Variants in DEPTOR observed in about 807,000 individuals in gnomAD.
The protein encoded by DEPTOR is DEP domain containing MTOR interacting protein.
In DEPTOR, 41 loss-of-function variants were observed where a neutral mutation model predicts 41.6. That is an observed-to-expected ratio of 0.98 (90% confidence interval 0.77 to 1.28). The LOEUF is 1.28. Among genes scored for constraint, DEPTOR ranks in the 50% most tolerant of loss-of-function variants. The pLI is 0.00. For synonymous variants in DEPTOR, 195 were observed against 192.3 expected, an observed-to-expected ratio of 1.01 and a Z score of -0.12; for missense variants, 514 against 527.9, an observed-to-expected ratio of 0.97 and a Z score of 0.26.
chr8:119,881,811 G>A (rs184780717), intron 1 of DEPTOR, among the ~76,000 whole-genome samples: 1 of 152,198 alleles, frequency 6.6e-6, no homozygotes, highest in Admixed American at 6.5e-5. Flanking sequence ...AAGGGCTTTA[G>A]GAAATGAAGA....
intron 4 of DEPTOR, among the ~76,000 whole-genome samples, chr8:119,988,082 G>A (rs528504875): frequency 2.6e-5 from 4 of 152,252 alleles, no homozygotes; most frequent in East Asian, 1.9e-4. Flanking sequence ...AACCTCCTGC[G>A]GCTAGCTCAG....
At chr8:119,953,801 CTTT>C (rs35043841) in intron 3 of DEPTOR, among the ~76,000 whole-genome samples, 16 of 119,650 alleles carry the variant, frequency 1.3e-4, no homozygotes, top group South Asian at 8.7e-4. Context: ...CAGATAGCTT[CTTT>C]TTTTTTTTTT....
chr8:119,990,374 G>A (rs899970704), intron 4 of DEPTOR, among the ~76,000 whole-genome samples: 1 of 152,060 alleles, frequency 6.6e-6, no homozygotes, highest in Non-Finnish European at 1.5e-5. Flanking sequence ...AGTCGGGATG[G>A]TCTCAATCTC....
chr8:119,987,651 G>A (rs1198535232), intron 4 of DEPTOR, among the ~76,000 whole-genome samples: 1 of 152,206 alleles, frequency 6.6e-6, no homozygotes, highest in African/African-American at 2.4e-5. Context: ...TCCCCCAGGT[G>A]CTCTGTCCCA....
intron 1 of DEPTOR, among the ~76,000 whole-genome samples, chr8:119,898,480 T>C (rs949496853): frequency 3.9e-5 from 6 of 152,086 alleles, no homozygotes; most frequent in African/African-American, 1.2e-4. Context: ...CCCAAGAACG[T>C]TGGGAGGCCA....
At chr8:119,984,487 C>T (rs1486604326) in intron 4 of DEPTOR, among the ~76,000 whole-genome samples, 1 of 152,080 alleles carries the variant, frequency 6.6e-6, no homozygotes, top group African/African-American at 2.4e-5. Flanking sequence ...TCTCGTTGTT[C>T]AGCTCCCACT....
intron 4 of DEPTOR, among the ~76,000 whole-genome samples, chr8:119,987,864 C>T (rs988651712): frequency 1.3e-5 from 2 of 152,120 alleles, no homozygotes; most frequent in Admixed American, 6.6e-5. Flanking sequence ...AGACACCCTT[C>T]CCCCCACCAA....
rs752547040 is a variant in DEPTOR at position 120,049,860 on chromosome 8, A to G, written c.*156A>G. 8 of 809,616 alleles carry G rather than the reference A, an allele frequency of 9.9e-6. No individual in the cohort carries two copies. The highest frequency in any genetic ancestry group is 1.2e-5 in the Non-Finnish European group (7 of 572,192). The allele number at this position is 809,616 out of a possible 1,614,324, so 50.2% of individuals were successfully genotyped here. A position where few individuals can be genotyped will look rare whatever the true frequency, so the allele number is the denominator to read the frequency against. Reference sequence around the variant, plus strand: ...TCTAAAGTTGAGTTTTATACACTGAATGTGGAAGAACCGGGTATCATATCT... The same window carrying G: ...TCTAAAGTTGAGTTTTATACACTGAGTGTGGAAGAACCGGGTATCATATCT... On this transcript the variant is annotated 3_prime_UTR_variant, in exon 9 of 9. Coordinates refer to ENST00000286234, the MANE Select transcript of DEPTOR (RefSeq NM_022783.4).
intron 4 of DEPTOR, among the ~76,000 whole-genome samples, chr8:119,983,428 A>G (rs1269619097): frequency 2.0e-5 from 3 of 151,966 alleles, no homozygotes; most frequent in Non-Finnish European, 2.9e-5. Flanking sequence ...ACTGTTACCC[A>G]GGCTGGAGTG....
intron 3 of DEPTOR, among the ~76,000 whole-genome samples, chr8:119,959,589 C>G (rs56274209): frequency 1.3e-5 from 2 of 150,998 alleles, no homozygotes; most frequent in African/African-American, 4.9e-5. Flanking sequence ...TACAGTGGTG[C>G]GATCTCGGTT....
At chr8:119,971,015 G>A (rs897792768) in intron 4 of DEPTOR, among the ~76,000 whole-genome samples, 2 of 152,162 alleles carry the variant, frequency 1.3e-5, no homozygotes, top group Non-Finnish European at 2.9e-5. Context: ...CGGATCACAA[G>A]GTCGGGAGAT....
At chr8:120,018,893 G>A (rs535144327) in intron 8 of DEPTOR, among the ~76,000 whole-genome samples, 2 of 152,144 alleles carry the variant, frequency 1.3e-5, no homozygotes, top group East Asian at 1.9e-4. Flanking sequence ...GTAATACAGC[G>A]ATAACAGTGC....
chr8:119,929,293 G>C (rs1828009859), intron 2 of DEPTOR, among the ~76,000 whole-genome samples: 2 of 151,902 alleles, frequency 1.3e-5, no homozygotes, highest in Non-Finnish European at 2.9e-5. Context: ...TCATTCTTCA[G>C]GTCTCCACTT....
At chr8:120,026,906 A>G (rs926062495) in intron 8 of DEPTOR, among the ~76,000 whole-genome samples, 12 of 152,270 alleles carry the variant, frequency 7.9e-5, no homozygotes, top group Admixed American at 4.6e-4. Context: ...AGTTTATATT[A>G]TATTCAACTG....
chr8:119,960,247 A>G (rs1204942594), intron 3 of DEPTOR, among the ~76,000 whole-genome samples: 3 of 152,072 alleles, frequency 2.0e-5, no homozygotes, highest in Admixed American at 1.3e-4. Context: ...AAAAACAAAA[A>G]ACAAAAAAAC....
chr8:119,975,392 T>C (rs1828684996), intron 4 of DEPTOR, among the ~76,000 whole-genome samples: 1 of 152,082 alleles, frequency 6.6e-6, no homozygotes. Flanking sequence ...GAAAACTTTG[T>C]TTAAGATAAT....
At chr8:119,885,433 T>C (rs1217550963) in intron 1 of DEPTOR, among the ~76,000 whole-genome samples, 1 of 152,210 alleles carries the variant, frequency 6.6e-6, no homozygotes, top group Non-Finnish European at 1.5e-5. Context: ...TTACCTAATG[T>C]ATGACTCTGA....
intron 1 of DEPTOR, among the ~76,000 whole-genome samples, chr8:119,885,403 G>A (rs886641258): frequency 4.6e-5 from 7 of 152,068 alleles, no homozygotes; most frequent in Non-Finnish European, 7.4e-5. Context: ...AAACTGTTTA[G>A]GGATGTGGTT....
chr8:119,889,853 ACAGTATGAAG>A (rs1190426808), intron 1 of DEPTOR, among the ~76,000 whole-genome samples: 6 of 151,982 alleles, frequency 3.9e-5, no homozygotes, highest in African/African-American at 1.5e-4. Context: ...GTAGCTCAGT[ACAGTATGAAG>A]TCTTCTCATG....
Sources: gnomAD v4.1 joint callset for allele counts (sites outside exome capture counted in the v4.1 genomes callset) on GRCh38, gnomAD v4.1.1 for gene constraint, MANE v1.5 for transcripts, NCBI Gene and HGNC (gene_info 2026-07-23, HGNC 2026-07-21) for gene names.